Variants in PRR16 observed in about 807,000 individuals in gnomAD.
The protein encoded by PRR16 is protein Largen.
In PRR16, 6 loss-of-function variants were observed where a neutral mutation model predicts 18.2. That is an observed-to-expected ratio of 0.33 (90% CI 0.18 to 0.65). The LOEUF (loss-of-function observed/expected upper bound fraction) is 0.65, where lower values mean the gene tolerates loss of function less well. Among genes scored for constraint, PRR16 ranks in the 30% least tolerant of loss-of-function variants. The pLI is 0.74. For synonymous variants in PRR16, 151 were observed against 147.8 expected (o/e 1.02, Z -0.16); for missense variants, 412 against 376.6 (o/e 1.09, Z -0.78).
chr5:120,512,703 AC>A (rs1476162978), intron 1 of PRR16, among the ~76,000 whole-genome samples: 1 of 152,150 alleles, frequency 6.6e-6, no homozygotes, highest in Non-Finnish European at 1.5e-5. Context: ...AGCCTGTGTA[AC>A]AATGAAGCCA....
At chr5:120,695,980 T>G in the PRR16 span, among the ~76,000 whole-genome samples, 2 of 152,042 alleles carry the variant, frequency 1.3e-5, no homozygotes, top group East Asian at 3.9e-4. Context: ...CGGTGGCTCA[T>G]GCCTGTAACC....
At chr5:120,623,232 C>T (rs1212695276) in intron 1 of PRR16, among the ~76,000 whole-genome samples, 1 of 151,952 alleles carries the variant, frequency 6.6e-6, no homozygotes, top group Non-Finnish European at 1.5e-5. Context: ...TTTATAATGG[C>T]AACAGTATCA....
At chr5:120,710,286 G>A in the PRR16 span, among the ~76,000 whole-genome samples, 1 of 152,124 alleles carries the variant, frequency 6.6e-6, no homozygotes, top group African/African-American at 2.4e-5. Context: ...CTGGTGCATA[G>A]TACATACAAG....
chr5:120,632,498 G>T, intron 1 of PRR16, among the ~76,000 whole-genome samples: 1 of 151,736 alleles, frequency 6.6e-6, no homozygotes, highest in East Asian at 1.9e-4. Flanking sequence ...GATATAAAAA[G>T]AAAATTCTGT....
At chr5:120,779,737 T>TA in the PRR16 span, among the ~76,000 whole-genome samples, 1 of 152,180 alleles carries the variant, frequency 6.6e-6, no homozygotes, top group Non-Finnish European at 1.5e-5. Context: ...ATATTCTTAA[T>TA]AACAGCAAAG....
the PRR16 span, among the ~76,000 whole-genome samples, chr5:120,695,925 A>G: frequency 2.0e-5 from 1 of 49,846 alleles, no homozygotes; most frequent in African/African-American, 6.3e-5. Flanking sequence ...TCCAACATAT[A>G]TATGTGTGTG....
chr5:120,760,750 T>C, the PRR16 span, among the ~76,000 whole-genome samples: 10 of 152,252 alleles, frequency 6.6e-5, no homozygotes, highest in Admixed American at 2.6e-4. Flanking sequence ...CAATATCAAA[T>C]AGGAATTTAG....
chr5:120,464,807 T>G (rs1580604053), intron 1 of PRR16, among the ~76,000 whole-genome samples, 162 bp downstream of exon 1: 1 of 150,144 alleles, frequency 6.7e-6, no homozygotes. Context: ...CTGAGAGGAG[T>G]TGTTGTTGCA....
chr5:120,556,608 T>C (rs1345043782), intron 1 of PRR16, among the ~76,000 whole-genome samples: 2 of 151,936 alleles, frequency 1.3e-5, no homozygotes, highest in African/African-American at 2.4e-5. Context: ...TTCTCAACAG[T>C]TTCATCTTTG....
chr5:120,502,459 T>C (rs1750494129), intron 1 of PRR16, among the ~76,000 whole-genome samples: 1 of 151,798 alleles, frequency 6.6e-6, no homozygotes, highest in African/African-American at 2.4e-5. Context: ...ACTGTCTTTG[T>C]TACTTCTCAG....
chr5:120,508,362 T>G lies in PRR16; in HGVS notation c.159+43717T>G, dbSNP rs368968144. ...AAAACTCTGTGTGCTGAAAACAGTGTTGTTTGGGTTTTCTTTTATATGCAA... is the reference window on the plus strand; with the variant it reads ...AAAACTCTGTGTGCTGAAAACAGTGGTGTTTGGGTTTTCTTTTATATGCAA... On this transcript the variant is annotated intron_variant, in intron 1 of 1. Coordinates refer to ENST00000407149, the MANE Select transcript of PRR16 (RefSeq NM_001300783.2). Among the ~76,000 whole-genome samples the G allele has an allele frequency of 2.6e-5, 4 of 152,136 alleles. No individual in the cohort carries two copies. The East Asian group carries it at 5.8e-4, about 22-fold the overall frequency.
the PRR16 span, among the ~76,000 whole-genome samples, chr5:120,766,459 G>A: frequency 6.6e-6 from 1 of 151,428 alleles, no homozygotes; most frequent in Non-Finnish European, 1.5e-5. Context: ...TTTCATTGAT[G>A]CACATAGTTT....
chr5:120,749,064 A>G, the PRR16 span, among the ~76,000 whole-genome samples: 4 of 152,178 alleles, frequency 2.6e-5, no homozygotes, highest in African/African-American at 9.6e-5. Flanking sequence ...CATATGTCAA[A>G]TAGTAAGATT....
At chr5:120,737,322 T>A in the PRR16 span, among the ~76,000 whole-genome samples, 3 of 143,552 alleles carry the variant, frequency 2.1e-5, no homozygotes, top group Non-Finnish European at 3.0e-5. Context: ...TTTTTTTTTT[T>A]TTTTTTTTTT....
intron 1 of PRR16, among the ~76,000 whole-genome samples, chr5:120,491,658 C>G (rs1389665831): frequency 6.6e-6 from 1 of 152,088 alleles, no homozygotes; most frequent in Non-Finnish European, 1.5e-5. Flanking sequence ...ATTCTCCTGC[C>G]TCATACTCCT....
intron 1 of PRR16, among the ~76,000 whole-genome samples, chr5:120,668,667 C>T (rs1756482633): frequency 6.6e-6 from 1 of 152,144 alleles, no homozygotes; most frequent in South Asian, 2.1e-4. Flanking sequence ...CAAAATCTCT[C>T]AGCATTTGCT....
At chr5:120,716,343 C>G in the PRR16 span, among the ~76,000 whole-genome samples, 2 of 152,086 alleles carry the variant, frequency 1.3e-5, no homozygotes, top group Non-Finnish European at 2.9e-5. Flanking sequence ...GTTTTTAACT[C>G]TTCTCATTTT....
chr5:120,523,517 G>T (rs761343901), intron 1 of PRR16, among the ~76,000 whole-genome samples: 2 of 152,040 alleles, frequency 1.3e-5, no homozygotes, highest in Non-Finnish European at 2.9e-5. Context: ...AATGAATATG[G>T]TTTATTTTTA....
chr5:120,498,722 TTTTA>T (rs1224170405), intron 1 of PRR16, among the ~76,000 whole-genome samples: 1 of 151,992 alleles, frequency 6.6e-6, no homozygotes, highest in African/African-American at 2.4e-5. Flanking sequence ...TTCTCTTATT[TTTTA>T]TTTGTTTGTT....
Sources: allele counts gnomAD v4.1 joint callset (sites outside exome capture counted in the v4.1 genomes callset), GRCh38; gene constraint gnomAD v4.1.1; transcripts MANE v1.5; gene names NCBI Gene and HGNC (gene_info 2026-07-23, HGNC 2026-07-21).